Variants in CNTNAP4 observed in about 807,000 individuals in gnomAD.
CNTNAP4 encodes contactin-associated protein-like 4.
CNTNAP4 carries 98 observed loss-of-function variants against 148.4 expected under a neutral mutation model. That is an observed-to-expected ratio of 0.66 (90% CI 0.56 to 0.78). CNTNAP4 has a LOEUF of 0.78. Ranked by LOEUF, CNTNAP4 falls within the 30% of genes least tolerant of loss-of-function variation. The pLI, the probability that CNTNAP4 is intolerant of heterozygous loss-of-function variation, is 0.00. For missense variants in CNTNAP4, 1,935 were observed against 1,565.6 expected (o/e 1.24, Z -3.98); for synonymous variants, 730 against 565.1 (o/e 1.29, Z -4.14).
chr16:76,308,267 C>A (rs1960710027), intron 1 of CNTNAP4, among the ~76,000 whole-genome samples: 1 of 152,146 alleles, frequency 6.6e-6, no homozygotes, highest in Admixed American at 6.5e-5. Flanking sequence ...TAAAGAACTG[C>A]ATAGTAGTCT....
intron 12 of CNTNAP4, among the ~76,000 whole-genome samples, chr16:76,486,799 AC>A (rs1294556885): frequency 6.6e-6 from 1 of 152,030 alleles, no homozygotes; most frequent in Non-Finnish European, 1.5e-5. Flanking sequence ...TGTGCCAGGC[AC>A]CCTCTGTAAG....
At chr16:76,404,327 G>A (rs747033363) in intron 3 of CNTNAP4, among the ~76,000 whole-genome samples, 9 of 151,324 alleles carry the variant, frequency 5.9e-5, no homozygotes, top group Non-Finnish European at 8.8e-5. Flanking sequence ...CAGGATCACC[G>A]AGAGTAGTTT....
chr16:76,474,576 C>A (rs1027760004), intron 10 of CNTNAP4, among the ~76,000 whole-genome samples: 24 of 152,116 alleles, frequency 1.6e-4, no homozygotes, highest in African/African-American at 4.8e-4. Context: ...AACCCCATCA[C>A]AAATGTGTTC....
chr16:76,552,825 A>G (rs970542766), intron 21 of CNTNAP4, among the ~76,000 whole-genome samples: 1 of 152,220 alleles, frequency 6.6e-6, no homozygotes, highest in Non-Finnish European at 1.5e-5. Context: ...GGCATCTGAT[A>G]ACAGAAGTCC....
At chr16:76,544,947 C>G (rs1473796594) in intron 21 of CNTNAP4, among the ~76,000 whole-genome samples, 1 of 152,166 alleles carries the variant, frequency 6.6e-6, no homozygotes, top group African/African-American at 2.4e-5. Flanking sequence ...TAAGAGAAAT[C>G]TCCAATGTAT....
chr16:76,439,457 A>G (rs993313624), intron 4 of CNTNAP4, among the ~76,000 whole-genome samples: 19 of 152,178 alleles, frequency 1.2e-4, no homozygotes, highest in African/African-American at 4.6e-4. Context: ...ATAGCCAAAT[A>G]AGGAAACTGA....
intron 2 of CNTNAP4, among the ~76,000 whole-genome samples, chr16:76,317,848 A>G (rs760023757): frequency 1.3e-5 from 2 of 152,196 alleles, no homozygotes; most frequent in Non-Finnish European, 2.9e-5. Flanking sequence ...ATTTCATTTC[A>G]TATTATTGGA....
At chr16:76,510,950 T>G (rs1016922574) in intron 15 of CNTNAP4, among the ~76,000 whole-genome samples, 20 of 152,176 alleles carry the variant, frequency 1.3e-4, no homozygotes, top group African/African-American at 4.6e-4. Flanking sequence ...GTCTGAATAC[T>G]CGAAGGAACA....
chr16:76,371,403 A>G (rs1335318864), intron 3 of CNTNAP4, among the ~76,000 whole-genome samples: 1 of 152,154 alleles, frequency 6.6e-6, no homozygotes, highest in Non-Finnish European at 1.5e-5. Context: ...CTCCTGCCTC[A>G]GCCTCCTGAG....
At chr16:76,311,875 T>G (rs1480567345) in intron 1 of CNTNAP4, among the ~76,000 whole-genome samples, 1 of 152,224 alleles carries the variant, frequency 6.6e-6, no homozygotes, top group African/African-American at 2.4e-5. Flanking sequence ...ACCAGGATGA[T>G]GTGCCAATCT....
intron 2 of CNTNAP4, among the ~76,000 whole-genome samples, chr16:76,329,037 A>G (rs1963275521): frequency 6.6e-6 from 1 of 152,246 alleles, no homozygotes; most frequent in Non-Finnish European, 1.5e-5. Flanking sequence ...GTATTTTAAA[A>G]TAAAAAGTTT....
chr16:76,467,586 G>T, intron 10 of CNTNAP4, 63 bp downstream of exon 10: 1 of 1,304,760 alleles, frequency 7.7e-7, no homozygotes, highest in Non-Finnish European at 1.1e-6. Context: ...TAAAATTTAT[G>T]TATAAGATGA....
chr16:76,553,443 C>T lies in CNTNAP4; in HGVS notation c.3603C>T (p.Ser1201=). Reference sequence around the variant, plus strand: ...TTACAGGACACGTGACTGAGTCCAGCTGTATGGCCCAGCCTGGCACTGATG... The same window carrying T: ...TTACAGGACACGTGACTGAGTCCAGTTGTATGGCCCAGCCTGGCACTGATG... ...VTVTGHVTES[S]CMAQPGTDAT... is the part of the protein sequence containing the mutation. The change falls in exon 22 of 24, where the codon AGC becomes AGT. Residue 1201 remains serine (S), a synonymous_variant. Coordinates refer to ENST00000611870, the MANE Select transcript of CNTNAP4 (RefSeq NM_033401.5). 1 of 1,612,640 alleles carries T rather than the reference C, an allele frequency of 6.2e-7. No individual in the cohort carries two copies. Among genetic ancestry groups the T allele is most frequent in the South Asian group, 1.1e-5 (1 of 90,616 alleles).
intron 12 of CNTNAP4, among the ~76,000 whole-genome samples, chr16:76,488,585 A>G (rs1488428325): frequency 2.6e-5 from 4 of 152,108 alleles, no homozygotes; most frequent in Non-Finnish European, 4.4e-5. Flanking sequence ...GAGAGGGGAA[A>G]GTTTTGCCTA....
At chr16:76,553,563 C>T (rs368279022) in intron 22 of CNTNAP4, 62 bp downstream of exon 22, 2 of 1,237,708 alleles carry the variant, frequency 1.6e-6, no homozygotes, top group Non-Finnish European at 2.3e-6. Flanking sequence ...ATTTAGAAAA[C>T]TTCTCATGTG....
At chr16:76,515,913 A>G (rs1475797660) in intron 15 of CNTNAP4, among the ~76,000 whole-genome samples, 1 of 152,040 alleles carries the variant, frequency 6.6e-6, no homozygotes, top group Non-Finnish European at 1.5e-5. Context: ...AAAACCGTTT[A>G]GTAGTTTCTT....
intron 3 of CNTNAP4, among the ~76,000 whole-genome samples, chr16:76,376,688 A>G (rs1359015699): frequency 1.3e-5 from 2 of 152,198 alleles, no homozygotes; most frequent in African/African-American, 4.8e-5. Flanking sequence ...ATACACAGGA[A>G]CTGAGGGCAT....
chr16:76,404,426 A>G (rs1480493257), intron 3 of CNTNAP4, among the ~76,000 whole-genome samples: 3 of 151,926 alleles, frequency 2.0e-5, no homozygotes, highest in Admixed American at 6.6e-5. Context: ...CAATAAAGCA[A>G]TGCTATCACA....
intron 2 of CNTNAP4, among the ~76,000 whole-genome samples, chr16:76,337,523 A>G (rs1597239099): frequency 6.6e-6 from 1 of 152,290 alleles, no homozygotes; most frequent in East Asian, 1.9e-4. Flanking sequence ...TCAGAGGGCA[A>G]TAGAAGATCA....
Sources: allele counts gnomAD v4.1 joint callset (sites outside exome capture counted in the v4.1 genomes callset), GRCh38; gene constraint gnomAD v4.1.1; transcripts MANE v1.5; gene names NCBI Gene and HGNC (gene_info 2026-07-23, HGNC 2026-07-21).